The following ADAMTS17 variants were observed in gnomAD, a reference collection of about 807,000 sequenced individuals.
ADAMTS17 encodes A disintegrin and metalloproteinase with thrombospondin motifs 17.
A neutral mutation model predicts 141.5 loss-of-function variants in ADAMTS17; 113 were observed. That is an observed-to-expected ratio of 0.80 (90% CI 0.69 to 0.93). ADAMTS17 has a LOEUF of 0.93. Ranked by LOEUF, ADAMTS17 falls within the 40% of genes least tolerant of loss-of-function variation. The pLI, the probability that ADAMTS17 is intolerant of heterozygous loss-of-function variation, is 0.00. For missense variants in ADAMTS17, 1,659 were observed against 1,517.9 expected, an observed-to-expected ratio of 1.09 and a Z score of -1.54; for synonymous variants, 768 against 630.6, an observed-to-expected ratio of 1.22 and a Z score of -3.27.
At chr15:100,133,701 G>A (rs957976254) in intron 10 of ADAMTS17, among the ~76,000 whole-genome samples, 1 of 152,168 alleles carries the variant, frequency 6.6e-6, no homozygotes, top group African/African-American at 2.4e-5. Context: ...CACAGAAAGA[G>A]GATCTAACCA....
At position 100,153,013 on chromosome 15, in the gene ADAMTS17, A is replaced by G. The variant is rs548415320; in HGVS notation, c.1323-251T>C. Among the ~76,000 whole-genome samples, 121 of 36,552 alleles carry G rather than the reference A, an allele frequency of 3.3e-3. 1 individual carries two copies. The highest frequency in any genetic ancestry group is 0.013 in the Admixed American group (40 of 2,980). 24.0% of individuals were successfully genotyped at this position (36,552 alleles called of 152,430 possible). The stretch of plus-strand genomic sequence containing the variant: ...CTGGAGACTCGGGAGGGGCATAGGA[A>G]CGACATCCACAAGGCTGATGGACTT... On this transcript the variant is annotated intron_variant, in intron 9 of 21. Coordinates refer to ENST00000268070, the MANE Select transcript of ADAMTS17 (RefSeq NM_139057.4).
At chr15:100,325,732 C>T (rs563504981) in intron 3 of ADAMTS17, among the ~76,000 whole-genome samples, 2 of 152,296 alleles carry the variant, frequency 1.3e-5, no homozygotes, top group South Asian at 2.1e-4. Context: ...TCATCTTCCA[C>T]CAGAAACAGA....
At chr15:100,058,310 CT>C (rs2032806955) in intron 15 of ADAMTS17, among the ~76,000 whole-genome samples, 2 of 147,842 alleles carry the variant, frequency 1.4e-5, no homozygotes, top group African/African-American at 2.6e-5. Context: ...TCTAACACCC[CT>C]ATCCCGGCTC....
At chr15:100,292,374 G>A (rs1301822814) in intron 3 of ADAMTS17, among the ~76,000 whole-genome samples, 1 of 148,644 alleles carries the variant, frequency 6.7e-6, no homozygotes, top group Non-Finnish European at 1.5e-5. Context: ...AATTACGAGA[G>A]ATGCTCACCC....
chr15:100,249,154 T>C (rs536466465), intron 7 of ADAMTS17, among the ~76,000 whole-genome samples: 16 of 152,118 alleles, frequency 1.1e-4, no homozygotes, highest in Admixed American at 2.0e-4. Flanking sequence ...ATCCACCCAG[T>C]ACAGAGGAGT....
intron 15 of ADAMTS17, among the ~76,000 whole-genome samples, chr15:100,063,201 C>T (rs771501843): frequency 1.3e-5 from 2 of 152,168 alleles, no homozygotes; most frequent in Non-Finnish European, 2.9e-5. Context: ...ATACACAGAC[C>T]TTAGTGAAAT....
chr15:100,257,530 G>A (rs182206240), intron 6 of ADAMTS17, among the ~76,000 whole-genome samples: 186 of 152,322 alleles, frequency 1.2e-3, no homozygotes, highest in African/African-American at 4.4e-3. Flanking sequence ...GAAAGCTCAG[G>A]CTCCCGGGCT....
chr15:100,048,949 C>T lies in ADAMTS17; in HGVS notation c.2499G>A (p.Lys833=), dbSNP rs117133620. 4.2e-3 allele frequency: 6,711 copies of T among 1,614,180 alleles called. 23 individuals carry two copies. The highest frequency in any genetic ancestry group is 5.2e-3 in the Non-Finnish European group (6,179 of 1,180,040). ...TIVSCTRIVN[K]TTTLVNDSDC... ...CACTGTCGTTCACCAGAGTTGTGGTCTTGTTGACAATCCGTGTACACGAGA... is the reference window on the plus strand; with the variant it reads ...CACTGTCGTTCACCAGAGTTGTGGTTTTGTTGACAATCCGTGTACACGAGA... The change falls in exon 18 of 22, where the codon AAG becomes AAA. Residue 833 remains lysine (K), a synonymous_variant. Transcript: ENST00000268070.
chr15:100,296,378 T>C (rs762608970), intron 3 of ADAMTS17, among the ~76,000 whole-genome samples: 6 of 152,172 alleles, frequency 3.9e-5, no homozygotes, highest in Admixed American at 2.0e-4. Flanking sequence ...CACAGCTGCA[T>C]AAATCCAACA....
chr15:100,279,509 C>G (rs528274718), intron 4 of ADAMTS17, among the ~76,000 whole-genome samples: 158 of 152,356 alleles, frequency 1.0e-3, no homozygotes, highest in African/African-American at 3.7e-3. Flanking sequence ...CCCCACTGCA[C>G]CCATTTCGTT....
intron 6 of ADAMTS17, among the ~76,000 whole-genome samples, chr15:100,255,951 G>A (rs1049277160): frequency 6.6e-6 from 1 of 152,170 alleles, no homozygotes; most frequent in Non-Finnish European, 1.5e-5. Context: ...TTCAGCTCAG[G>A]GAGGGAGAGC....
At chr15:100,088,275 T>C (rs1408711414) in intron 15 of ADAMTS17, among the ~76,000 whole-genome samples, 6 of 152,082 alleles carry the variant, frequency 3.9e-5, no homozygotes, top group South Asian at 2.1e-4. Context: ...AGGAATCCAA[T>C]TTACAAGGGA....
intron 7 of ADAMTS17, among the ~76,000 whole-genome samples, chr15:100,232,232 C>G (rs1181968214): frequency 6.6e-6 from 1 of 152,240 alleles, no homozygotes; most frequent in Non-Finnish European, 1.5e-5. Context: ...TAGGCTAACC[C>G]TGGCCTAGCA....
chr15:100,163,163 AC>A (rs2039808624), intron 8 of ADAMTS17, among the ~76,000 whole-genome samples: 1 of 152,012 alleles, frequency 6.6e-6, no homozygotes, highest in Non-Finnish European at 1.5e-5. Flanking sequence ...ATACACACAT[AC>A]ATCTCCATAC....
At chr15:100,078,141 T>G (rs1259846165) in intron 15 of ADAMTS17, among the ~76,000 whole-genome samples, 1 of 151,854 alleles carries the variant, frequency 6.6e-6, no homozygotes, top group African/African-American at 2.4e-5. Context: ...TTGGATCAGA[T>G]GACATTGTAA....
chr15:100,006,587 CA>C (rs1179076764), intron 18 of ADAMTS17, among the ~76,000 whole-genome samples: 1 of 152,124 alleles, frequency 6.6e-6, no homozygotes, highest in Admixed American at 6.6e-5. Context: ...TTTAAATTAT[CA>C]AAAAACAGCA....
intron 7 of ADAMTS17, 67 bp from the exon 8 acceptor site, chr15:100,199,490 C>G: frequency 7.5e-7 from 1 of 1,337,624 alleles, no homozygotes; most frequent in Non-Finnish European, 1.1e-6. Context: ...CGGGCAAGTC[C>G]GCACGGTCAA....
chr15:99,999,192 C>T (rs1363161465), intron 18 of ADAMTS17, among the ~76,000 whole-genome samples: 1 of 152,222 alleles, frequency 6.6e-6, no homozygotes, highest in Admixed American at 6.5e-5. Context: ...AGCAAAGTCC[C>T]TGCCCTCTGA....
intron 7 of ADAMTS17, among the ~76,000 whole-genome samples, chr15:100,223,017 G>T (rs1373894691): frequency 2.0e-5 from 3 of 152,220 alleles, no homozygotes; most frequent in African/African-American, 7.2e-5. Flanking sequence ...GAAACACTCA[G>T]CGCTCTCACC....
Sources: gnomAD v4.1 joint callset for allele counts (sites outside exome capture counted in the v4.1 genomes callset) on GRCh38, gnomAD v4.1.1 for gene constraint, MANE v1.5 for transcripts, NCBI Gene and HGNC (gene_info 2026-07-23, HGNC 2026-07-21) for gene names.